Variants in SLC38A1 observed in about 807,000 individuals in gnomAD.
SLC38A1 encodes the protein solute carrier family 38 member 1.
SLC38A1 carries 18 observed loss-of-function variants against 60.3 expected under a neutral mutation model. That is an observed-to-expected ratio of 0.30 (90% CI 0.21 to 0.44). The LOEUF is 0.44. Among genes scored for constraint, SLC38A1 ranks in the 20% least tolerant of loss-of-function variants. The probability of loss-of-function intolerance (pLI) is 1.00; values close to 1 mark genes in which losing one functional copy is unlikely to be tolerated. For synonymous variants in SLC38A1, 196 were observed against 212.1 expected, an observed-to-expected ratio of 0.92 and a Z score of 0.66; for missense variants, 448 against 587.2, an observed-to-expected ratio of 0.76 and a Z score of 2.45.
At chr12:46,259,969 A>T (rs964101316) in intron 1 of SLC38A1, among the ~76,000 whole-genome samples, 1 of 152,078 alleles carries the variant, frequency 6.6e-6, no homozygotes, top group Non-Finnish European at 1.5e-5. Flanking sequence ...CACCACTTAG[A>T]AGCTGTGTAG....
At position 46,201,154 on chromosome 12, in the gene SLC38A1, A is replaced by C; in HGVS notation, c.947T>G (p.Phe316Cys). 6.2e-7 allele frequency: 1 copy of C among 1,613,520 alleles called. No individual in the cohort carries two copies. The highest frequency in any genetic ancestry group is 8.5e-7 in the Non-Finnish European group (1 of 1,179,668). ...CAAGAAGTACATAACAAACATGGCG[A>C]AAAAGGAGATGTTTGAAACCATCTG... ...KMQMVSNISF[F>C]AMFVMYFLTA... The change falls in exon 13 of 17, where the codon TTC (phenylalanine) becomes TGC (cysteine). Residue 316 changes from phenylalanine (F) to cysteine (C), a missense_variant. Phe to Cys is a radical substitution (Grantham distance 205, BLOSUM62 -2). This residue lies in a region of SLC38A1 where 346 missense variants were observed against 497.5 expected (regional missense o/e 0.70). Transcript: ENST00000398637.
intron 5 of SLC38A1, among the ~76,000 whole-genome samples, chr12:46,220,893 A>G (rs570397736): frequency 6.6e-6 from 1 of 152,176 alleles, no homozygotes; most frequent in African/African-American, 2.4e-5. Flanking sequence ...GTGATGGGAT[A>G]ATAATGATCA....
intron 5 of SLC38A1, among the ~76,000 whole-genome samples, chr12:46,219,048 C>T (rs1292775056): frequency 6.6e-6 from 1 of 152,172 alleles, no homozygotes; most frequent in African/African-American, 2.4e-5. Flanking sequence ...GGCTGCATGA[C>T]CCCTAAACTG....
intron 1 of SLC38A1, among the ~76,000 whole-genome samples, chr12:46,256,636 C>CAGAGAGAG (rs1555192390): frequency 0.011 from 1,307 of 123,224 alleles, 30 homozygotes; most frequent in African/African-American, 0.031. Context: ...CACACACACA[C>CAGAGAGAG]AGAGAGAGAG....
In SLC38A1 at chr12:46,204,577, A is replaced by G. The variant is rs373828423; in HGVS notation, c.660T>C (p.Tyr220=). ...TACAGCTCAAGGAAAATCCACTAGT[A>G]TAGCCAAGATACCCTTTAAAAAAAA... ...CLLKNLGYLG[Y]TSGFSLSCMV... is the part of the protein sequence containing the mutation. Residue 220 remains tyrosine (Y), a synonymous_variant, in exon 10 of 17, where the codon TAT becomes TAC. Transcript: ENST00000398637. The G allele has an allele frequency of 6.2e-7, 1 of 1,607,260 alleles. No homozygotes were observed. The highest frequency in any genetic ancestry group is 2.2e-5 in the East Asian group (1 of 44,738).
intron 5 of SLC38A1, among the ~76,000 whole-genome samples, chr12:46,225,669 T>C (rs915625098): frequency 2.6e-5 from 4 of 152,156 alleles, no homozygotes; most frequent in African/African-American, 4.8e-5. Flanking sequence ...GCATCTTAAG[T>C]GAAGCTATTG....
intron 5 of SLC38A1, among the ~76,000 whole-genome samples, chr12:46,212,084 A>C (rs1363151825): frequency 6.6e-6 from 1 of 152,230 alleles, no homozygotes; most frequent in Non-Finnish European, 1.5e-5. Flanking sequence ...AGAACCTAGA[A>C]AGGGTTAGAA....
Position 46,204,324 on chromosome 12 carries a change from T to G in SLC38A1, c.799A>C (p.Lys267Gln). 1.9e-6 allele frequency: 3 copies of G among 1,610,916 alleles called. No individual in the cohort carries two copies. The highest frequency in any genetic ancestry group is 2.5e-6 in the Non-Finnish European group (3 of 1,177,226). The change falls in exon 11 of 17, where the codon AAA (lysine) becomes CAA (glutamine). Residue 267 changes from lysine (K) to glutamine (Q), a missense_variant. Coordinates refer to ENST00000398637, the MANE Select transcript of SLC38A1 (RefSeq NM_030674.4). The part of the protein sequence containing the change: ...NSTNADTCTP[K>Q]YVTFNSKTVY... ...ACCTTTGAATTGAAGGTAACATATT[T>G]TGGCGTACACGTGTCAGCATTTGTT...
chr12:46,188,729 T>C lies in SLC38A1; in HGVS notation c.*241A>G, dbSNP rs181387263. 17 of 396,774 alleles carry C rather than the reference T, an allele frequency of 4.3e-5. No individual in the cohort carries two copies. The highest frequency in any genetic ancestry group is 3.4e-4 in the African/African-American group (17 of 50,196). The allele number at this position is 396,774 out of a possible 1,614,324, so 24.6% of individuals were successfully genotyped here. A position where few individuals can be genotyped will look rare whatever the true frequency, so the allele number is the denominator to read the frequency against. ...AATGATTGTGAAAAGTACTGGGAAA[T>C]ATGATTGTATGAAATTTGAAAAAAA... On this transcript the variant is annotated 3_prime_UTR_variant, in exon 17 of 17. Transcript: ENST00000398637.
In SLC38A1 at chr12:46,207,242, G is replaced by A; in HGVS notation, c.482-6C>T. 1.2e-6 allele frequency: 2 copies of A among 1,606,040 alleles called. No homozygotes were observed. Among genetic ancestry groups the A allele is most frequent in the South Asian group, 1.1e-5 (1 of 89,844 alleles). ...GAAGAGGTAGCTCAGCATTGCTGAA[G>A]GAAAATGAGAACATTTTTAGAAAGA... On this transcript the variant is annotated splice_polypyrimidine_tract_variant and splice_region_variant and intron_variant, in intron 7 of 16. Transcript: ENST00000398637.
At chr12:46,209,807 C>T in intron 5 of SLC38A1, among the ~76,000 whole-genome samples, 1 of 152,050 alleles carries the variant, frequency 6.6e-6, no homozygotes. Context: ...TTTAGTACAT[C>T]TGGGTCATTA....
intron 16 of SLC38A1, among the ~76,000 whole-genome samples, chr12:46,192,639 C>T (rs1002555196): frequency 6.6e-6 from 1 of 152,168 alleles, no homozygotes; most frequent in African/African-American, 2.4e-5. Context: ...AGAGATTCAG[C>T]TTCTTCCTGG....
chr12:46,201,615 T>C (rs1045329159), intron 12 of SLC38A1, among the ~76,000 whole-genome samples: 3 of 152,068 alleles, frequency 2.0e-5, no homozygotes, highest in African/African-American at 7.2e-5. Flanking sequence ...CTAAAGCTGC[T>C]GTTTCAGGTT....
intron 3 of SLC38A1, among the ~76,000 whole-genome samples, chr12:46,236,361 C>T (rs1941259464): frequency 6.6e-6 from 1 of 152,116 alleles, no homozygotes; most frequent in Non-Finnish European, 1.5e-5. Flanking sequence ...CCTGTTGTGG[C>T]AGGATTTGAA....
chr12:46,210,450 C>T (rs1381093178), intron 5 of SLC38A1, among the ~76,000 whole-genome samples: 1 of 152,150 alleles, frequency 6.6e-6, no homozygotes, highest in Non-Finnish European at 1.5e-5. Context: ...TGCCAATAAA[C>T]AGGAATTTAG....
At chr12:46,238,723 G>A (rs963810265) in intron 3 of SLC38A1, among the ~76,000 whole-genome samples, 4 of 152,186 alleles carry the variant, frequency 2.6e-5, no homozygotes, top group Admixed American at 2.6e-4. Flanking sequence ...CCAAGGGTTG[G>A]AAGGACTTGC....
At chr12:46,196,327 A>ACCAT in intron 16 of SLC38A1, 1 of 1,531,396 alleles carries the variant, frequency 6.5e-7, no homozygotes, top group Non-Finnish European at 8.7e-7. Flanking sequence ...CACATGGCAT[A>ACCAT]CCATCCTGGG....
intron 3 of SLC38A1, among the ~76,000 whole-genome samples, chr12:46,238,823 T>C (rs1297855236): frequency 6.6e-6 from 1 of 152,218 alleles, no homozygotes; most frequent in Non-Finnish European, 1.5e-5. Flanking sequence ...CTCTCCTCAG[T>C]TGTGGTCGCT....
At chr12:46,215,372 G>C (rs1940358407) in intron 5 of SLC38A1, among the ~76,000 whole-genome samples, 1 of 152,148 alleles carries the variant, frequency 6.6e-6, no homozygotes, top group Admixed American at 6.5e-5. Flanking sequence ...AGTGTGAAAA[G>C]TAAGATCTCA....
Sources: allele counts gnomAD v4.1 joint callset (sites outside exome capture counted in the v4.1 genomes callset), GRCh38; gene constraint gnomAD v4.1.1; regional missense constraint gnomAD v4.1.1; transcripts MANE v1.5; gene names NCBI Gene and HGNC (gene_info 2026-07-23, HGNC 2026-07-21).